The following TSPAN7 variants were observed in gnomAD, a reference collection of about 807,000 sequenced individuals.
TSPAN7 encodes tetraspanin 7.
TSPAN7 carries 1 observed loss-of-function variant against 17.6 expected under a neutral mutation model. The ratio of observed to expected loss-of-function variants is 0.06; its 90% confidence interval spans 0.02 to 0.27. The LOEUF is 0.27. Ranked by LOEUF, TSPAN7 falls within the 10% of genes least tolerant of loss-of-function variation. The pLI, the probability that TSPAN7 is intolerant of heterozygous loss-of-function variation, is 1.00. For synonymous variants in TSPAN7, 78 were observed against 79.0 expected, an observed-to-expected ratio of 0.99 and a Z score of 0.07; for missense variants, 112 against 201.7, an observed-to-expected ratio of 0.56 and a Z score of 2.69.
intron 1 of TSPAN7, among the ~76,000 whole-genome samples, chrX:38,625,164 G>A (rs2069515043): frequency 9.0e-6 from 1 of 111,406 alleles, no homozygotes; most frequent in African/African-American, 3.3e-5. Context: ...ACCCTGTTGA[G>A]CTTAGGAGAT....
At chrX:38,633,723 G>T (rs2069563559) in intron 1 of TSPAN7, among the ~76,000 whole-genome samples, 1 of 112,136 alleles carries the variant, frequency 8.9e-6, no homozygotes, top group African/African-American at 3.2e-5. Context: ...CTTATTTATA[G>T]ATTAGTGTCA....
At chrX:38,680,478 G>T (rs1202104359) in intron 5 of TSPAN7, among the ~76,000 whole-genome samples, 2 of 107,893 alleles carry the variant, frequency 1.9e-5, no homozygotes, top group Non-Finnish European at 3.8e-5. Context: ...CTTCCTAGCT[G>T]AATAAGTCAG....
At chrX:38,651,839 G>T (rs1181755388) in intron 1 of TSPAN7, among the ~76,000 whole-genome samples, 1 of 111,998 alleles carries the variant, frequency 8.9e-6, no homozygotes, top group African/African-American at 3.3e-5. Flanking sequence ...ATATATGTCA[G>T]GTTTTTGACA....
At chrX:38,606,296 G>T (rs1181985966) in intron 1 of TSPAN7, among the ~76,000 whole-genome samples, 1 of 112,166 alleles carries the variant, frequency 8.9e-6, no homozygotes, top group African/African-American at 3.2e-5. Context: ...TTTTAAAAGG[G>T]AGTAGAAATT....
chrX:38,667,136 C>T (rs2069787961), intron 2 of TSPAN7, among the ~76,000 whole-genome samples: 1 of 111,606 alleles, frequency 9.0e-6, no homozygotes, highest in Non-Finnish European at 1.9e-5. Flanking sequence ...GAGCCTGCCA[C>T]CCAGAGGACT....
At chrX:38,662,639 A>G (rs1367769958) in intron 1 of TSPAN7, among the ~76,000 whole-genome samples, 1 of 111,472 alleles carries the variant, frequency 9.0e-6, no homozygotes, top group Non-Finnish European at 1.9e-5. Context: ...TAGGATGGAT[A>G]GAATTCTAGG....
At chrX:38,618,386 G>A (rs1435737205) in intron 1 of TSPAN7, among the ~76,000 whole-genome samples, 1 of 111,730 alleles carries the variant, frequency 9.0e-6, no homozygotes, top group Non-Finnish European at 1.9e-5. Context: ...CCTTTTTACT[G>A]GGCTTTTTCT....
intron 1 of TSPAN7, among the ~76,000 whole-genome samples, chrX:38,570,434 C>T (rs1022430144): frequency 9.9e-5 from 11 of 111,575 alleles, no homozygotes; most frequent in African/African-American, 3.6e-4. Context: ...GAATTTTGGT[C>T]TAAATAGAAT....
chrX:38,627,817 CACAGAGT>C (rs1325039103), intron 1 of TSPAN7, among the ~76,000 whole-genome samples: 5 of 113,343 alleles, frequency 4.4e-5, no homozygotes, highest in African/African-American at 1.3e-4. Flanking sequence ...CATATGATGG[CACAGAGT>C]ACAGACACTA....
At chrX:38,654,025 T>C (rs191782696) in intron 1 of TSPAN7, among the ~76,000 whole-genome samples, 2 of 112,055 alleles carry the variant, frequency 1.8e-5, no homozygotes, top group Admixed American at 9.5e-5. Flanking sequence ...GGATGGACGA[T>C]GCTGGCTTAT....
intron 5 of TSPAN7, among the ~76,000 whole-genome samples, chrX:38,676,160 G>A (rs2069852699): frequency 9.0e-6 from 1 of 111,300 alleles, no homozygotes; most frequent in Non-Finnish European, 1.9e-5. Context: ...GCGAGTGTTG[G>A]CTTTCTTCTT....
At chrX:38,629,151 C>T (rs1316788857) in intron 1 of TSPAN7, among the ~76,000 whole-genome samples, 2 of 112,199 alleles carry the variant, frequency 1.8e-5, no homozygotes, top group African/African-American at 3.2e-5. Context: ...ATATTCTTTG[C>T]AATCTGGTGT....
intron 1 of TSPAN7, chrX:38,623,091 T>C: frequency 3.0e-6 from 1 of 330,784 alleles, no homozygotes; most frequent in Non-Finnish European, 5.9e-6. Context: ...CAGTTGAAGC[T>C]AACCCTTCTC....
At chrX:38,628,335 TG>T (rs2069532881) in intron 1 of TSPAN7, among the ~76,000 whole-genome samples, 3 of 111,441 alleles carry the variant, frequency 2.7e-5, no homozygotes, top group South Asian at 3.8e-4. Flanking sequence ...TTGGCAAATA[TG>T]TTTTTTTTTG....
chrX:38,562,757 G>C (rs34913508), intron 1 of TSPAN7, among the ~76,000 whole-genome samples: 1 of 110,233 alleles, frequency 9.1e-6, no homozygotes, highest in East Asian at 2.9e-4. Flanking sequence ...AGTTCCTTAC[G>C]CCCATAATCA....
chrX:38,580,409 C>G (rs1442644444), intron 1 of TSPAN7, among the ~76,000 whole-genome samples: 3 of 111,767 alleles, frequency 2.7e-5, no homozygotes, highest in Non-Finnish European at 5.6e-5. Flanking sequence ...GGGCTCTGTT[C>G]CTAGATGTTT....
chrX:38,646,004 G>T (rs2069643553), intron 1 of TSPAN7, among the ~76,000 whole-genome samples: 1 of 111,452 alleles, frequency 9.0e-6, no homozygotes, highest in African/African-American at 3.3e-5. Context: ...TTTTTTGGGT[G>T]CCTGCACAAT....
chrX:38,607,079 A>G (rs1415318072), intron 1 of TSPAN7, among the ~76,000 whole-genome samples: 1 of 111,766 alleles, frequency 8.9e-6, no homozygotes, highest in Non-Finnish European at 1.9e-5. Context: ...TCTGGGAACT[A>G]CTTTAGAAGT....
At chrX:38,644,645 C>T (rs1477093269) in intron 1 of TSPAN7, among the ~76,000 whole-genome samples, 1 of 111,514 alleles carries the variant, frequency 9.0e-6, no homozygotes, top group African/African-American at 3.3e-5. Flanking sequence ...CCTGGCTCTG[C>T]CTCCAACTCA....
Sources: allele counts gnomAD v4.1 joint callset (sites outside exome capture counted in the v4.1 genomes callset), GRCh38; gene constraint gnomAD v4.1.1; transcripts MANE v1.5; gene names NCBI Gene and HGNC (gene_info 2026-07-23, HGNC 2026-07-21).